The following SH3KBP1 variants were observed in gnomAD, a reference collection of about 807,000 sequenced individuals.
SH3KBP1 encodes SH3 domain-containing kinase-binding protein 1.
A neutral mutation model predicts 50.1 loss-of-function variants in SH3KBP1; 8 were observed. That is an observed-to-expected ratio of 0.16 (90% CI 0.09 to 0.29). SH3KBP1 has a LOEUF of 0.29. Among genes scored for constraint, SH3KBP1 ranks in the 10% least tolerant of loss-of-function variants. The pLI is 1.00. For synonymous variants in SH3KBP1, 227 were observed against 218.6 expected, an observed-to-expected ratio of 1.04 and a Z score of -0.34; for missense variants, 377 against 535.2, an observed-to-expected ratio of 0.70 and a Z score of 2.92.
At chrX:19,552,605 C>T (rs1271846202) in intron 13 of SH3KBP1, among the ~76,000 whole-genome samples, 1 of 110,798 alleles carries the variant, frequency 9.0e-6, no homozygotes, top group East Asian at 2.8e-4. Flanking sequence ...GAAACTAAAA[C>T]AAGCTCAGGA....
intron 2 of SH3KBP1, among the ~76,000 whole-genome samples, chrX:19,772,170 A>G: frequency 8.9e-6 from 1 of 111,826 alleles, no homozygotes; most frequent in African/African-American, 3.2e-5. Context: ...AGAGAAAAAC[A>G]GTTGGGAAAA....
At chrX:19,603,233 C>T (rs1275369374) in intron 9 of SH3KBP1, among the ~76,000 whole-genome samples, 1 of 112,265 alleles carries the variant, frequency 8.9e-6, no homozygotes, top group African/African-American at 3.2e-5. Context: ...CTGCCAGACC[C>T]TTGGTAAGAA....
intron 7 of SH3KBP1, among the ~76,000 whole-genome samples, chrX:19,637,866 C>G (rs1423221677): frequency 9.2e-6 from 1 of 108,476 alleles, no homozygotes; most frequent in African/African-American, 3.4e-5. Context: ...ATCACGAGGT[C>G]AGGAGCTCGA....
chrX:19,540,718 C>A (rs1302657886), intron 16 of SH3KBP1, among the ~76,000 whole-genome samples: 1 of 111,586 alleles, frequency 9.0e-6, no homozygotes, highest in East Asian at 2.8e-4. Context: ...ATGTGTTGAC[C>A]TCACCAGGCT....
At chrX:19,646,158 C>T (rs2061983458) in intron 6 of SH3KBP1, among the ~76,000 whole-genome samples, 1 of 111,882 alleles carries the variant, frequency 8.9e-6, no homozygotes, top group African/African-American at 3.3e-5. Context: ...AGAAAAAATC[C>T]AGCGCCTCAG....
At chrX:19,761,611 C>T (rs1170978137) in intron 2 of SH3KBP1, among the ~76,000 whole-genome samples, 1 of 111,140 alleles carries the variant, frequency 9.0e-6, no homozygotes, top group East Asian at 2.8e-4. Flanking sequence ...TATCTAGAAT[C>T]GACAAACCAA....
At chrX:19,727,912 T>C (rs745504395) in intron 3 of SH3KBP1, among the ~76,000 whole-genome samples, 3 of 109,576 alleles carry the variant, frequency 2.7e-5, no homozygotes, top group East Asian at 2.9e-4. Flanking sequence ...TTGAACCCGG[T>C]TGCAGTGAGC....
chrX:19,595,139 C>T lies in SH3KBP1; in HGVS notation c.1006-139G>A, dbSNP rs974413678. 4 of 454,973 alleles carry T rather than the reference C, an allele frequency of 8.8e-6. No homozygotes were observed. The African/African-American group carries it at 9.7e-5, about 11-fold the overall frequency. The allele number at this position is 454,973 out of a possible 1,213,427, so 37.5% of individuals were successfully genotyped here. On this transcript the variant is annotated intron_variant, in intron 9 of 17. Coordinates refer to ENST00000397821, the MANE Select transcript of SH3KBP1 (RefSeq NM_031892.3). The stretch of plus-strand genomic sequence containing the variant: ...CCAAAAAAATTGAGCAATTCTCTCT[C>T]CAGGGACGTCAGTTTTTGGCACCTC...
intron 8 of SH3KBP1, among the ~76,000 whole-genome samples, chrX:19,620,519 G>A (rs2067776102): frequency 8.9e-6 from 1 of 112,415 alleles, no homozygotes; most frequent in East Asian, 2.8e-4. Context: ...TGTGCAGCGA[G>A]TAAAAAATAC....
At chrX:19,737,122 G>A (rs1031665651) in intron 3 of SH3KBP1, among the ~76,000 whole-genome samples, 6 of 110,259 alleles carry the variant, frequency 5.4e-5, no homozygotes, top group East Asian at 2.8e-4. Context: ...ATGTTGCCCC[G>A]GCTGGTCTTG....
intron 2 of SH3KBP1, among the ~76,000 whole-genome samples, chrX:19,815,349 T>C (rs1048362009): frequency 9.0e-6 from 1 of 110,956 alleles, no homozygotes; most frequent in African/African-American, 3.3e-5. Context: ...TCACAAGAAC[T>C]TACAAAAACG....
At chrX:19,695,361 A>T (rs974113281) in intron 5 of SH3KBP1, among the ~76,000 whole-genome samples, 29 of 111,878 alleles carry the variant, frequency 2.6e-4, no homozygotes, top group African/African-American at 9.4e-4. Flanking sequence ...TGGGCCACCC[A>T]TGAGACAGTA....
At chrX:19,864,954 A>G (rs1369966324) in intron 1 of SH3KBP1, among the ~76,000 whole-genome samples, 3 of 112,079 alleles carry the variant, frequency 2.7e-5, no homozygotes, top group Non-Finnish European at 5.6e-5. Context: ...CCAGTGCCCA[A>G]GGACTGAAAA....
intron 4 of SH3KBP1, among the ~76,000 whole-genome samples, chrX:19,703,696 C>CTG (rs56915755): frequency 0.079 from 4,980 of 63,379 alleles, 219 homozygotes; most frequent in East Asian, 0.094. Context: ...AAAAGAGAAA[C>CTG]TGTGTGTGTG....
At chrX:19,773,417 G>A (rs1466735831) in intron 2 of SH3KBP1, among the ~76,000 whole-genome samples, 3 of 109,630 alleles carry the variant, frequency 2.7e-5, no homozygotes, top group African/African-American at 1.0e-4. Flanking sequence ...CACAGATGTG[G>A]GCTCATACTT....
chrX:19,657,691 G>A (rs1390988277), intron 6 of SH3KBP1, among the ~76,000 whole-genome samples: 2 of 109,371 alleles, frequency 1.8e-5, no homozygotes, highest in East Asian at 2.9e-4. Context: ...TCACACCACT[G>A]CACTCCAGCC....
chrX:19,757,490 T>G (rs1238289348), intron 2 of SH3KBP1, among the ~76,000 whole-genome samples: 1 of 109,175 alleles, frequency 9.2e-6, no homozygotes, highest in Non-Finnish European at 1.9e-5. Context: ...CCATTTTGTC[T>G]ATGTTATCTT....
intron 12 of SH3KBP1, among the ~76,000 whole-genome samples, chrX:19,574,267 T>C (rs1344041605): frequency 1.8e-5 from 2 of 112,065 alleles, no homozygotes; most frequent in African/African-American, 6.5e-5. Flanking sequence ...CCCAGTAATC[T>C]TCCCCACTTA....
At chrX:19,790,114 C>CA (rs780696109) in intron 2 of SH3KBP1, among the ~76,000 whole-genome samples, 205 of 59,830 alleles carry the variant, frequency 3.4e-3, no homozygotes, top group South Asian at 8.8e-3. Context: ...CAGGCCGACT[C>CA]AAAAAAAAAA....
Sources: gnomAD v4.1 joint callset for allele counts (sites outside exome capture counted in the v4.1 genomes callset) on GRCh38, gnomAD v4.1.1 for gene constraint, MANE v1.5 for transcripts, NCBI Gene and HGNC (gene_info 2026-07-23, HGNC 2026-07-21) for gene names.